WDR20: variants seen among roughly 807,000 people sequenced by gnomAD.
The protein encoded by WDR20 is WD repeat-containing protein 20.
In WDR20, 3 loss-of-function variants were observed where a neutral mutation model predicts 38.7. The observed-to-expected ratio is 0.08, with a 90% confidence interval of 0.04 to 0.20. The LOEUF is 0.20. WDR20 is among the 10% of genes least tolerant of loss of function. The pLI is 1.00. For synonymous variants in WDR20, 298 were observed against 285.6 expected (o/e 1.04, Z -0.44); for missense variants, 559 against 727.7 (o/e 0.77, Z 2.67).
intron 1 of WDR20, among the ~76,000 whole-genome samples, chr14:102,179,441 TAAAAA>T (rs5811061): frequency 7.3e-6 from 1 of 136,112 alleles, no homozygotes; most frequent in Non-Finnish European, 1.6e-5. Flanking sequence ...TTTTTTTTTC[TAAAAA>T]AAAAAAAAAG....
At position 102,209,049 on chromosome 14, in the gene WDR20, C is replaced by T. The variant is rs752225850; in HGVS notation, c.879C>T (p.Asp293=). The T allele has an allele frequency of 6.2e-7, 1 of 1,614,192 alleles. No homozygotes were observed. Among genetic ancestry groups the T allele is most frequent in the South Asian group, 1.1e-5 (1 of 91,084 alleles). Residue 293 remains aspartate, a synonymous_variant, in exon 3 of 3, where the codon GAC becomes GAT. Coordinates refer to ENST00000342702, the MANE Select transcript of WDR20 (RefSeq NM_144574.4). The surrounding 1 kb of genome is among the most constrained non-coding windows in gnomAD (Gnocchi z 6.0). ...TGGTGACAGTCTGGTCCTTTGTAGA[C>T]TGCCGAGTAATAGCCAGAGGCCACG... ...DDLVTVWSFV[D]CRVIARGHGH...
chr14:102,140,641 G>A (rs1246994880), intron 1 of WDR20, among the ~76,000 whole-genome samples: 3 of 152,166 alleles, frequency 2.0e-5, no homozygotes, highest in Non-Finnish European at 4.4e-5. Context: ...CCGGGAAGCG[G>A]AGCATTGAGA....
At chr14:102,164,417 C>T (rs776752649) in intron 1 of WDR20, among the ~76,000 whole-genome samples, 1 of 152,118 alleles carries the variant, frequency 6.6e-6, no homozygotes, top group Non-Finnish European at 1.5e-5. Context: ...TCCTCTAGTC[C>T]ACCTCTGGCA....
chr14:102,184,140 C>A (rs997016523), intron 1 of WDR20, among the ~76,000 whole-genome samples: 1 of 152,114 alleles, frequency 6.6e-6, no homozygotes, highest in Non-Finnish European at 1.5e-5. Context: ...GTGATGAGAT[C>A]TGGTGTTAGT....
intron 1 of WDR20, among the ~76,000 whole-genome samples, chr14:102,161,439 G>C (rs2058731933): frequency 6.6e-6 from 1 of 151,200 alleles, no homozygotes; most frequent in Non-Finnish European, 1.5e-5. Flanking sequence ...TCAGCCTCCT[G>C]AGTAGCTGGG....
At chr14:102,143,674 A>T (rs1265537215) in intron 1 of WDR20, among the ~76,000 whole-genome samples, 1 of 151,764 alleles carries the variant, frequency 6.6e-6, no homozygotes, top group Non-Finnish European at 1.5e-5. Flanking sequence ...CCTCCCGAGC[A>T]GCTGGGACTA....
chr14:102,210,615 G>A (rs1423978751), downstream of WDR20: 17 of 892,504 alleles, frequency 1.9e-5, no homozygotes, highest in Non-Finnish European at 2.1e-5. Context: ...ACTGCGGGCC[G>A]AGGACGCCAA....
At chr14:102,217,285 A>G (rs1289190568), downstream of WDR20, among the ~76,000 whole-genome samples, 1 of 152,190 alleles carries the variant, frequency 6.6e-6, no homozygotes, top group Non-Finnish European at 1.5e-5. Flanking sequence ...CGGGATCACG[A>G]TGAAGGCCCA....
intron 2 of WDR20, among the ~76,000 whole-genome samples, chr14:102,200,639 T>G (rs1292646944): frequency 1.3e-5 from 2 of 152,134 alleles, no homozygotes; most frequent in Non-Finnish European, 2.9e-5. Flanking sequence ...AATCCTGATT[T>G]TGGAGTATAT....
intron 1 of WDR20, among the ~76,000 whole-genome samples, chr14:102,186,840 C>CAGG (rs1423145080): frequency 1.3e-5 from 2 of 151,946 alleles, no homozygotes; most frequent in African/African-American, 4.8e-5. Flanking sequence ...GTCCCAGCTA[C>CAGG]TCGGGAGGCT....
At position 102,161,030 on chromosome 14, in the gene WDR20, C is replaced by T. The variant is rs934476605; in HGVS notation, c.249+20858C>T. ...AATTTCCAGAGGAGGATCATTTCCT[C>T]ACATGTATGATAAATTTCCACATGT... is the stretch of plus-strand genomic sequence containing the variant. On this transcript the variant is annotated intron_variant, in intron 1 of 2. Coordinates refer to ENST00000342702, the MANE Select transcript of WDR20 (RefSeq NM_144574.4). Among the ~76,000 whole-genome samples the T allele has an allele frequency of 2.1e-5, 3 of 140,190 alleles. No homozygotes were observed. The South Asian group carries it at 6.9e-4, about 32-fold the overall frequency. The allele number at this position is 140,190 out of a possible 152,430, so 92.0% of individuals were successfully genotyped here.
chr14:102,206,207 G>A (rs2061511234), intron 2 of WDR20, among the ~76,000 whole-genome samples: 2 of 152,238 alleles, frequency 1.3e-5, no homozygotes, highest in East Asian at 1.9e-4. Flanking sequence ...GGCTGGTCTC[G>A]AACTCCTGAC....
At chr14:102,150,533 G>C (rs1013196479) in intron 1 of WDR20, among the ~76,000 whole-genome samples, 14 of 152,176 alleles carry the variant, frequency 9.2e-5, no homozygotes, top group African/African-American at 3.4e-4. Context: ...CCGCATTGTA[G>C]ATTATTGCTC....
chr14:102,220,420 C>T lies in WDR20; in HGVS notation c.1693-2410C>T, dbSNP rs115082612. Among the ~76,000 whole-genome samples, 708 of 152,286 alleles carry T rather than the reference C, an allele frequency of 4.6e-3. 6 individuals carry two copies. The highest frequency in any genetic ancestry group is 0.016 in the African/African-American group (656 of 41,554). ...TATTGCTGAATATTATATGAAACAT[C>T]TTCAGTTAAAATATTAAAATTGGCC... On this transcript the variant is annotated intron_variant, in intron 3 of 3. Coordinates refer to the WDR20 transcript ENST00000335263. This position sits in a 1 kb window ranked among gnomAD's most constrained non-coding sequence, Gnocchi z 4.2.
intron 2 of WDR20, among the ~76,000 whole-genome samples, chr14:102,198,838 G>A (rs1285397513): frequency 1.3e-5 from 2 of 152,162 alleles, no homozygotes; most frequent in African/African-American, 4.8e-5. Flanking sequence ...GTGAGACTGG[G>A]AAAGGAGCAG....
At chr14:102,175,936 T>C (rs1412664864) in intron 1 of WDR20, among the ~76,000 whole-genome samples, 1 of 152,202 alleles carries the variant, frequency 6.6e-6, no homozygotes, top group Non-Finnish European at 1.5e-5. Flanking sequence ...ATTTATCAGA[T>C]CTAGGAGCTT....
chr14:102,175,175 A>G (rs959707590), intron 1 of WDR20, among the ~76,000 whole-genome samples: 1 of 152,154 alleles, frequency 6.6e-6, no homozygotes, highest in Non-Finnish European at 1.5e-5. Context: ...TAGAATTTTT[A>G]TGGTTTCAGG....
downstream of WDR20, among the ~76,000 whole-genome samples, chr14:102,224,036 G>GTTTTTTTTTTTTTTTTTTT (rs1184725386): frequency 7.2e-6 from 1 of 139,442 alleles, no homozygotes; most frequent in African/African-American, 2.7e-5. Context: ...GTTTACCTGA[G>GTTTTTTTTTTTTTTTTTTT]ATTTTTTTTT....
Position 102,209,045 on chromosome 14 carries a change from T to G in WDR20, c.875T>G (p.Val292Gly). Reference protein sequence around the residue: ...EDDLVTVWSFVDCRVIARGHG... With the variant: ...EDDLVTVWSFGDCRVIARGHG... ...GACTTGGTGACAGTCTGGTCCTTTG[T>G]AGACTGCCGAGTAATAGCCAGAGGC... is the stretch of plus-strand genomic sequence containing the variant. The change falls in exon 3 of 3, where the codon GTA (valine) becomes GGA (glycine). Residue 292 changes from valine to glycine, a missense_variant. By Grantham distance (109) the Val-to-Gly change is moderately radical. Coordinates refer to ENST00000342702, the MANE Select transcript of WDR20 (RefSeq NM_144574.4). This position sits in a 1 kb window ranked among gnomAD's most constrained non-coding sequence, Gnocchi z 6.0. 1.9e-6 allele frequency: 3 copies of G among 1,614,140 alleles called. No individual in the cohort carries two copies. Among genetic ancestry groups the G allele is most frequent in the Non-Finnish European group, 2.5e-6 (3 of 1,180,016 alleles).
Sources: allele counts gnomAD v4.1 joint callset (sites outside exome capture counted in the v4.1 genomes callset), GRCh38; gene constraint gnomAD v4.1.1; non-coding constraint Gnocchi (gnomAD v3.1); transcripts MANE v1.5; gene names NCBI Gene and HGNC (gene_info 2026-07-23, HGNC 2026-07-21).